The following RETREG1 variants were observed in gnomAD, a reference collection of about 807,000 sequenced individuals.
RETREG1 encodes the protein reticulophagy regulator 1.
A neutral mutation model predicts 54.8 loss-of-function variants in RETREG1; 44 were observed. The observed-to-expected ratio is 0.80, with a 90% CI of 0.63 to 1.03. RETREG1 has a LOEUF of 1.03. Among genes scored for constraint, RETREG1 ranks in the 50% least tolerant of loss-of-function variants. RETREG1 has a pLI of 0.00. For synonymous variants in RETREG1, 217 were observed against 238.5 expected (o/e 0.91, Z 0.83); for missense variants, 554 against 605.1 (o/e 0.92, Z 0.89).
chr5:16,544,394 C>A (rs1419465175), intron 3 of RETREG1, among the ~76,000 whole-genome samples: 1 of 152,162 alleles, frequency 6.6e-6, no homozygotes, highest in Non-Finnish European at 1.5e-5. Context: ...TTAGCTATGT[C>A]AGTTAAACAT....
chr5:16,606,117 C>G (rs1262229853), intron 1 of RETREG1, among the ~76,000 whole-genome samples: 1 of 152,120 alleles, frequency 6.6e-6, no homozygotes, highest in African/African-American at 2.4e-5. Flanking sequence ...GAGGTGGTGC[C>G]ATGGAGACAG....
At chr5:16,537,484 T>C (rs1213900337) in intron 3 of RETREG1, among the ~76,000 whole-genome samples, 2 of 152,200 alleles carry the variant, frequency 1.3e-5, no homozygotes, top group Admixed American at 1.3e-4. Flanking sequence ...TGTTAAGTTC[T>C]TTAAAGGAAA....
intron 3 of RETREG1, among the ~76,000 whole-genome samples, chr5:16,511,942 C>A (rs1740190106): frequency 6.6e-6 from 1 of 152,148 alleles, no homozygotes; most frequent in Non-Finnish European, 1.5e-5. Context: ...CACTGGAGAT[C>A]ACAATTCAGT....
intron 3 of RETREG1, among the ~76,000 whole-genome samples, chr5:16,541,684 C>T (rs1741249057): frequency 7.0e-6 from 1 of 142,940 alleles, no homozygotes; most frequent in Admixed American, 7.3e-5. Context: ...GAGACTCCAT[C>T]AGAAAGTAAG....
chr5:16,525,685 C>T (rs1333430931), intron 3 of RETREG1, among the ~76,000 whole-genome samples: 1 of 152,090 alleles, frequency 6.6e-6, no homozygotes, highest in African/African-American at 2.4e-5. Context: ...GGGATAGAGA[C>T]TCGGCAGCAC....
At chr5:16,485,156 T>C (rs1398707305) in intron 3 of RETREG1, among the ~76,000 whole-genome samples, 2 of 152,114 alleles carry the variant, frequency 1.3e-5, no homozygotes, top group East Asian at 3.9e-4. Context: ...CTCAGAATAA[T>C]ATAGATTTGC....
intron 2 of RETREG1, among the ~76,000 whole-genome samples, chr5:16,568,685 G>T (rs1217764856): frequency 6.6e-6 from 1 of 152,150 alleles, no homozygotes; most frequent in Non-Finnish European, 1.5e-5. Context: ...AGGGGCTGGA[G>T]GAAGGGGGAA....
intron 1 of RETREG1, among the ~76,000 whole-genome samples, chr5:16,610,732 C>T (rs532586324): frequency 2.0e-5 from 3 of 152,200 alleles, no homozygotes; most frequent in East Asian, 1.9e-4. Flanking sequence ...GTTAGAATGG[C>T]GATAATTAAA....
intron 3 of RETREG1, among the ~76,000 whole-genome samples, chr5:16,527,623 T>C (rs1740753444): frequency 6.6e-6 from 1 of 152,054 alleles, no homozygotes; most frequent in African/African-American, 2.4e-5. Flanking sequence ...AGAAAGTTTA[T>C]TACACATCTC....
At chr5:16,479,813 G>A (rs1177589914) in intron 5 of RETREG1, among the ~76,000 whole-genome samples, 1 of 151,994 alleles carries the variant, frequency 6.6e-6, no homozygotes, top group Non-Finnish European at 1.5e-5. Flanking sequence ...GTCTCTAGAG[G>A]CCAAGAAATT....
intron 3 of RETREG1, among the ~76,000 whole-genome samples, chr5:16,538,374 C>G (rs960633551): frequency 1.3e-5 from 2 of 152,196 alleles, no homozygotes; most frequent in African/African-American, 4.8e-5. Context: ...ATTGGGGGCT[C>G]TTTGACTTCT....
intron 3 of RETREG1, among the ~76,000 whole-genome samples, chr5:16,523,844 A>C (rs536341070): frequency 9.2e-5 from 14 of 152,268 alleles, no homozygotes; most frequent in Non-Finnish European, 1.6e-4. Context: ...GTGTTTTCAC[A>C]TACTTTGGGC....
intron 3 of RETREG1, among the ~76,000 whole-genome samples, chr5:16,488,313 G>C (rs1324223634): frequency 6.6e-6 from 1 of 152,170 alleles, no homozygotes; most frequent in Non-Finnish European, 1.5e-5. Context: ...GACTCCTAAG[G>C]GATGAGAAAC....
Position 16,473,563 on chromosome 5 carries a change from A to G in RETREG1, c.*1178T>C, listed in dbSNP as rs559976889. The stretch of plus-strand genomic sequence containing the variant: ...TAAGAGATTTTTGGTAGTTGCTGGC[A>G]TGGTCCCTCGACACTTAAAGTTTAT... On this transcript the variant is annotated 3_prime_UTR_variant, in exon 9 of 9. Coordinates refer to ENST00000306320, the MANE Select transcript of RETREG1 (RefSeq NM_001034850.3). The G allele has an allele frequency of 1.6e-4, 25 of 152,604 alleles. No individual in the cohort carries two copies. The highest frequency in any genetic ancestry group is 1.0e-3 in the South Asian group (5 of 4,838). The allele number at this position is 152,604 out of a possible 1,614,324, so 9.5% of individuals were successfully genotyped here.
intron 3 of RETREG1, among the ~76,000 whole-genome samples, chr5:16,498,369 T>C (rs1258440808): frequency 6.6e-6 from 1 of 152,200 alleles, no homozygotes; most frequent in Non-Finnish European, 1.5e-5. Context: ...GGTAAGTATC[T>C]GTGCATCTAA....
intron 3 of RETREG1, among the ~76,000 whole-genome samples, chr5:16,489,083 A>C (rs919299800): frequency 0.011 from 10 of 940 alleles, no homozygotes; most frequent in African/African-American, 0.05. Flanking sequence ...ATTCTGTCTC[A>C]AAAAAAAAAA....
intron 3 of RETREG1, among the ~76,000 whole-genome samples, chr5:16,503,475 T>G (rs1045527225): frequency 2.0e-5 from 3 of 151,936 alleles, no homozygotes; most frequent in Non-Finnish European, 4.4e-5. Flanking sequence ...AAGACCAGCC[T>G]GACCAAGATG....
At chr5:16,543,386 C>G (rs1365019782) in intron 3 of RETREG1, among the ~76,000 whole-genome samples, 1 of 152,076 alleles carries the variant, frequency 6.6e-6, no homozygotes, top group East Asian at 1.9e-4. Context: ...AAAAAAACTG[C>G]TAAACTGGGC....
At chr5:16,568,869 T>G (rs1030435978) in intron 2 of RETREG1, among the ~76,000 whole-genome samples, 1 of 152,086 alleles carries the variant, frequency 6.6e-6, no homozygotes, top group African/African-American at 2.4e-5. Context: ...ACAATTAAAC[T>G]CTCAACAATA....
Sources: gnomAD v4.1 joint callset for allele counts (sites outside exome capture counted in the v4.1 genomes callset) on GRCh38, gnomAD v4.1.1 for gene constraint, MANE v1.5 for transcripts, NCBI Gene and HGNC (gene_info 2026-07-23, HGNC 2026-07-21) for gene names.